MAGED2: variants seen among roughly 807,000 people sequenced by gnomAD.
MAGED2 encodes melanoma-associated antigen D2.
MAGED2 carries 6 observed loss-of-function variants against 41.7 expected under a neutral mutation model. That is an observed-to-expected ratio of 0.14 (90% CI 0.08 to 0.28). The LOEUF is 0.28. Among genes scored for constraint, MAGED2 ranks in the 10% least tolerant of loss-of-function variants. MAGED2 has a pLI of 1.00. For synonymous variants in MAGED2, 146 were observed against 178.2 expected, an observed-to-expected ratio of 0.82 and a Z score of 1.44; for missense variants, 343 against 486.4, an observed-to-expected ratio of 0.71 and a Z score of 2.77.
chrX:54,809,657 T>G, intron 2 of MAGED2, 65 bp from the exon 3 acceptor site: 9 of 1,155,298 alleles, frequency 7.8e-6, no homozygotes, highest in Non-Finnish European at 1.0e-5. Context: ...CCTTGGAATT[T>G]TGGAGCCATT....
chrX:54,811,504 T>C, intron 5 of MAGED2, 70 bp from the exon 6 acceptor site: 1 of 972,125 alleles, frequency 1.0e-6, no homozygotes, highest in East Asian at 3.1e-5. Context: ...TGGCAAAGAG[T>C]CTATAGCTTG....
Position 54,815,419 on chromosome X carries a change from G to A in MAGED2, c.1558G>A (p.Glu520Lys), listed in dbSNP as rs1200366548. ...TGCTGCCGGGCCCTGCAACTGGGAC[G>A]AAGCTGATATCGGACCCTGGGCCAA... ...ENAAGPCNWD[E>K]ADIGPWAKAR... Residue 520 changes from glutamate (E) to lysine (K), a missense_variant, in exon 12 of 13, where the codon GAA becomes AAA. This residue lies in a region of MAGED2 where 95 missense variants were observed against 204.8 expected (regional missense o/e 0.46). Transcript: ENST00000375068. 2.5e-6 allele frequency: 3 copies of A among 1,208,651 alleles called. No individual in the cohort carries two copies. Among genetic ancestry groups the A allele is most frequent in the South Asian group, 1.8e-5 (1 of 56,500 alleles).
Position 54,812,043 on chromosome X carries a change from G to A in MAGED2, c.991-114G>A, listed in dbSNP as rs187516897. ...CCAGGCACTTAGCTATGTACTTTGT[G>A]CGTATTATCTCACTGATTTCTCACA... On this transcript the variant is annotated intron_variant, in intron 6 of 12. Coordinates refer to ENST00000375068, the MANE Select transcript of MAGED2 (RefSeq NM_177433.3). 40 of 493,076 alleles carry A rather than the reference G, an allele frequency of 8.1e-5. No individual in the cohort carries two copies. The African/African-American group carries it at 8.7e-4, about 11-fold the overall frequency. 40.6% of individuals were successfully genotyped at this position (493,076 alleles called of 1,213,427 possible). A position where few individuals can be genotyped will look rare whatever the true frequency, so the allele number is the denominator to read the frequency against.
Position 54,809,708 on chromosome X carries a change from G to A in MAGED2, c.46-14G>A. ...GAGGAGAAGGTCTATGAACTTCCCT[G>A]CTTCCTCTTGCAGGCTGAAGCTTCA... On this transcript the variant is annotated splice_polypyrimidine_tract_variant and intron_variant, in intron 2 of 12. Transcript: ENST00000375068. 1 of 1,190,555 alleles carries A rather than the reference G, an allele frequency of 8.4e-7. No homozygotes were observed. The highest frequency in any genetic ancestry group is 1.1e-6 in the Non-Finnish European group (1 of 885,654).
intron 11 of MAGED2, 125 bp from the exon 12 acceptor site, chrX:54,815,123 G>A: frequency 1.2e-6 from 1 of 827,316 alleles, no homozygotes. Flanking sequence ...GTAGCATAGT[G>A]CCTAGCATAA....
intron 6 of MAGED2, among the ~76,000 whole-genome samples, chrX:54,811,927 C>G (rs1269055108): frequency 1.8e-5 from 2 of 112,026 alleles, no homozygotes; most frequent in African/African-American, 6.5e-5. Flanking sequence ...TTCACCTCTC[C>G]CTTTCATTCC....
At chrX:54,807,824 G>T (rs1469760824) in intron 1 of MAGED2, 22 bp downstream of exon 1, 1 of 113,167 alleles carries the variant, frequency 8.8e-6, no homozygotes, top group Non-Finnish European at 1.9e-5. Flanking sequence ...TGATATTGGG[G>T]TTTTATGGAG....
At chrX:54,812,308 C>T (rs1027488590) in intron 7 of MAGED2, 57 bp downstream of exon 7, 6 of 747,215 alleles carry the variant, frequency 8.0e-6, no homozygotes, top group Non-Finnish European at 1.2e-5. Context: ...TGTGCTGCTA[C>T]TCCTCCTTTG....
intron 7 of MAGED2, among the ~76,000 whole-genome samples, chrX:54,812,717 T>C (rs1929845832): frequency 8.9e-6 from 1 of 112,529 alleles, no homozygotes; most frequent in Non-Finnish European, 1.9e-5. Flanking sequence ...TCTTCCATCT[T>C]CTTGGAAACC....
chrX:54,809,202 T>C, intron 1 of MAGED2, 101 bp from the exon 2 acceptor site: 1 of 572,688 alleles, frequency 1.7e-6, no homozygotes, highest in Admixed American at 2.6e-5. Flanking sequence ...TGGAGGGGGT[T>C]GGAATTGGGG....
intron 1 of MAGED2, chrX:54,808,981 A>G: frequency 3.3e-6 from 1 of 305,565 alleles, no homozygotes; most frequent in Non-Finnish European, 5.9e-6. Flanking sequence ...TCGTGCTGGG[A>G]AAGCGGGCGG....
intron 10 of MAGED2, 118 bp from the exon 11 acceptor site, chrX:54,814,543 T>C (rs980675599): frequency 1.8e-6 from 1 of 566,374 alleles, no homozygotes; most frequent in African/African-American, 2.2e-5. Flanking sequence ...GGGCTCAATA[T>C]TGGAAGAAAG....
rs752649471 is a variant in MAGED2, at chrX:54,815,509, GGTGCCA to G, written c.1651_1656del (p.Ala551_Ser552del). The G allele has an allele frequency of 8.4e-6, 10 of 1,194,035 alleles. No homozygotes were observed. In the African/African-American group the frequency reaches 1.6e-4, roughly 19 times the overall value. ...CCAAGAGAGTGGCAGTGCCAGCACT[GGTGCCA>G]GTACCAGTACCAATAACAGTGCCAG... On this transcript the variant is annotated inframe_deletion, in exon 12 of 13. Transcript: ENST00000375068.
rs2147632628 is a variant in MAGED2 at position 54,811,139 on chromosome X, C to G, written c.846+10C>G. ...CCTTTTGCAAGGGAGGGTAAGAACTCTGTCGTTTTTATTCTGCCTTTTCTA... is the reference window on the plus strand; with the variant it reads ...CCTTTTGCAAGGGAGGGTAAGAACTGTGTCGTTTTTATTCTGCCTTTTCTA... On this transcript the variant is annotated intron_variant, in intron 4 of 12. Coordinates refer to ENST00000375068, the MANE Select transcript of MAGED2 (RefSeq NM_177433.3). 8.4e-7 allele frequency: 1 copy of G among 1,196,654 alleles called. No individual in the cohort carries two copies. Among genetic ancestry groups the G allele is most frequent in the Non-Finnish European group, 1.1e-6 (1 of 886,215 alleles).
Position 54,809,047 on chromosome X carries a change from TG to T in MAGED2, c.-29-250del, listed in dbSNP as rs770912136. 1.8e-4 allele frequency: 64 copies of T among 356,114 alleles called. No individual in the cohort carries two copies. The East Asian group carries it at 2.4e-3, about 14-fold the overall frequency. 29.3% of individuals were successfully genotyped at this position (356,114 alleles called of 1,213,427 possible). On this transcript the variant is annotated intron_variant, in intron 1 of 12. Transcript: ENST00000375068. ...TGCGCTCTATCGACCTGCGGCTGGG[TG>T]GGGGGTGCACTGGGAAAAGGGGCGG...
rs1929907258 is a variant in MAGED2, at chrX:54,814,642, T to C, written c.1272-19T>C. The C allele has an allele frequency of 2.8e-6, 3 of 1,079,769 alleles. No homozygotes were observed. The highest frequency in any genetic ancestry group is 3.9e-6 in the Non-Finnish European group (3 of 775,154). The allele number at this position is 1,079,769 out of a possible 1,213,427, so 89.0% of individuals were successfully genotyped here. ...ATGAATGGTCTTAGAAATAAAGGCT[T>C]TGAACCTCTCTTTCCAAGGTACCTG... On this transcript the variant is annotated intron_variant, in intron 10 of 12. Coordinates refer to ENST00000375068, the MANE Select transcript of MAGED2 (RefSeq NM_177433.3).
rs776815032 is a variant in MAGED2 at position 54,815,670 on chromosome X, C to T, written c.1809C>T (p.Phe603=). 20 of 1,156,507 alleles carry T rather than the reference C, an allele frequency of 1.7e-5. No homozygotes were observed. The highest frequency in any genetic ancestry group is 1.8e-5 in the Non-Finnish European group (16 of 865,792). ...STSGSSGACG[F]SYK The stretch of plus-strand genomic sequence containing the variant: ...GTGGCAGCTCTGGTGCCTGTGGTTT[C>T]TCCTACAAGTGAGATTTTAGGTATC... Residue 603 remains phenylalanine (F), a synonymous_variant, in exon 12 of 13, where the codon TTC becomes TTT. Coordinates refer to ENST00000375068, the MANE Select transcript of MAGED2 (RefSeq NM_177433.3).
rs1288401111 is a variant in MAGED2, at chrX:54,815,571, T to C, written c.1710T>C (p.Ser570=). 8.5e-7 allele frequency: 1 copy of C among 1,171,115 alleles called. No homozygotes were observed. The highest frequency in any genetic ancestry group is 3.2e-5 in the East Asian group (1 of 31,225). ...GTGCCAGCACCAGTGGTGGCTTCAG[T>C]GCTGGTGCCAGCCTGACCGCCACTC... ...SASASTSGGF[S]AGASLTATLT... is the part of the protein sequence containing the mutation. Residue 570 remains serine (S), a synonymous_variant, in exon 12 of 13, where the codon AGT becomes AGC. Coordinates refer to ENST00000375068, the MANE Select transcript of MAGED2 (RefSeq NM_177433.3).
At chrX:54,808,018 G>A (rs1251027960) in intron 1 of MAGED2, among the ~76,000 whole-genome samples, 2 of 108,661 alleles carry the variant, frequency 1.8e-5, no homozygotes, top group African/African-American at 3.4e-5. Flanking sequence ...AGAAAAACGG[G>A]GAACCAGGAA....
Sources: allele counts gnomAD v4.1 joint callset (sites outside exome capture counted in the v4.1 genomes callset), GRCh38; gene constraint gnomAD v4.1.1; regional missense constraint gnomAD v4.1.1; transcripts MANE v1.5; gene names NCBI Gene and HGNC (gene_info 2026-07-23, HGNC 2026-07-21).